Variants in ANKRD31 observed in about 807,000 individuals in gnomAD.
ANKRD31 encodes the protein ankyrin repeat domain 31.
ANKRD31 carries 147 observed loss-of-function variants against 186.0 expected under a neutral mutation model. That is an observed-to-expected ratio of 0.79 (90% confidence interval 0.69 to 0.91). The LOEUF is 0.91. Among genes scored for constraint, ANKRD31 ranks in the 40% least tolerant of loss-of-function variants. The pLI, the probability that ANKRD31 is intolerant of heterozygous loss-of-function variation, is 0.00. For missense variants in ANKRD31, 1,986 were observed against 2,148.8 expected, an observed-to-expected ratio of 0.92 and a Z score of 1.50; for synonymous variants, 673 against 736.4, an observed-to-expected ratio of 0.91 and a Z score of 1.39.
chr5:75,219,073 C>G (rs1757135580), intron 3 of ANKRD31, among the ~76,000 whole-genome samples: 1 of 152,086 alleles, frequency 6.6e-6, no homozygotes, highest in Non-Finnish European at 1.5e-5. Context: ...CCTTGAAAAC[C>G]AGAACAAAAT....
At chr5:75,211,357 T>C (rs1019429994) in intron 3 of ANKRD31, among the ~76,000 whole-genome samples, 1 of 152,260 alleles carries the variant, frequency 6.6e-6, no homozygotes, top group African/African-American at 2.4e-5. Flanking sequence ...TTCTACTGTA[T>C]GTATGTACCA....
chr5:75,154,067 T>G, intron 12 of ANKRD31, 134 bp downstream of exon 12: 1 of 859,862 alleles, frequency 1.2e-6, no homozygotes, highest in East Asian at 3.0e-5. Context: ...ATTAACAGAA[T>G]GAAGAAAAGA....
intron 3 of ANKRD31, among the ~76,000 whole-genome samples, chr5:75,220,130 A>G (rs998299297): frequency 6.6e-6 from 1 of 152,192 alleles, no homozygotes. Context: ...AAAAACAAAA[A>G]CTGACAAATG....
intron 11 of ANKRD31, among the ~76,000 whole-genome samples, chr5:75,158,062 T>C (rs1752316322): frequency 1.3e-5 from 2 of 152,194 alleles, no homozygotes; most frequent in Admixed American, 1.3e-4. Flanking sequence ...TCCATCTTGG[T>C]GGCCCAGAAG....
rs542351517 is a variant in ANKRD31, at chr5:75,197,881, C to T, written c.448-1681G>A. ...TGCATTTATAACCACAGAACCAGCC[C>T]AAATTGGCCGTACTTTGTTGGTAAC... On this transcript the variant is annotated intron_variant, in intron 6 of 25. Coordinates refer to ENST00000506364, the MANE Select transcript of ANKRD31 (RefSeq NM_001372053.1). Among the ~76,000 whole-genome samples, 5 of 152,248 alleles carry T rather than the reference C, an allele frequency of 3.3e-5. No homozygotes were observed. In the South Asian group the frequency reaches 8.3e-4, roughly 25 times the overall value.
At chr5:75,194,250 T>C (rs929388232) in intron 7 of ANKRD31, among the ~76,000 whole-genome samples, 7 of 152,154 alleles carry the variant, frequency 4.6e-5, no homozygotes, top group African/African-American at 1.4e-4. Context: ...TTTGATCTCT[T>C]CTAAGTAAGT....
intron 17 of ANKRD31, among the ~76,000 whole-genome samples, chr5:75,130,286 T>C (rs1205174033): frequency 6.6e-6 from 1 of 152,234 alleles, no homozygotes; most frequent in Admixed American, 6.5e-5. Flanking sequence ...ATTAAGGTAG[T>C]GCAGACCCAA....
Position 75,236,848 on chromosome 5 carries a change from G to A in ANKRD31, c.-162C>T, listed in dbSNP as rs1229387434. 1 of 580,002 alleles carries A rather than the reference G, an allele frequency of 1.7e-6. No homozygotes were observed. The highest frequency in any genetic ancestry group is 2.8e-6 in the Non-Finnish European group (1 of 363,432). 35.9% of individuals were successfully genotyped at this position (580,002 alleles called of 1,614,324 possible). A position where few individuals can be genotyped will look rare whatever the true frequency, so the allele number is the denominator to read the frequency against. On this transcript the variant is annotated 5_prime_UTR_variant, in exon 1 of 26. Coordinates refer to ENST00000506364, the MANE Select transcript of ANKRD31 (RefSeq NM_001372053.1). ...TCGCAGGGCTGCTGAGGAGGACGCAGGCGGCCGCGAGCGCGGCGGGGTAGC... is the reference window on the plus strand; with the variant it reads ...TCGCAGGGCTGCTGAGGAGGACGCAAGCGGCCGCGAGCGCGGCGGGGTAGC...
In ANKRD31 at chr5:75,104,623, C is replaced by T. The variant is rs1274800636; in HGVS notation, c.4936G>A (p.Glu1646Lys). The T allele has an allele frequency of 6.5e-7, 1 of 1,536,370 alleles. No individual in the cohort carries two copies. Among genetic ancestry groups the T allele is most frequent in the East Asian group, 2.4e-5 (1 of 40,916 alleles). ...SPVIGKLNIS[E>K]TASVLAENAA... is the part of the protein sequence containing the mutation. The stretch of plus-strand genomic sequence containing the variant: ...TTTTCGGCAAGGACACTTGCAGTTT[C>T]TGAAATATTTAATTTGCCGATTACT... Residue 1646 changes from glutamate (E) to lysine (K), a missense_variant, in exon 22 of 26, where the codon GAA becomes AAA. By Grantham distance (56) the Glu-to-Lys change is moderately conservative. Transcript: ENST00000506364.
chr5:75,227,342 A>T (rs1167701285), intron 2 of ANKRD31, among the ~76,000 whole-genome samples: 1 of 152,200 alleles, frequency 6.6e-6, no homozygotes, highest in Non-Finnish European at 1.5e-5. Context: ...AGAAAGAATG[A>T]ATAAGACCTA....
intron 17 of ANKRD31, among the ~76,000 whole-genome samples, chr5:75,129,694 C>G (rs1008058695): frequency 1.3e-5 from 2 of 152,160 alleles, no homozygotes; most frequent in African/African-American, 4.8e-5. Context: ...AGGAAAAGCT[C>G]CAGTCTACAG....
At chr5:75,117,056 C>A (rs2150080989) in intron 18 of ANKRD31, among the ~76,000 whole-genome samples, 1 of 152,270 alleles carries the variant, frequency 6.6e-6, no homozygotes, top group Non-Finnish European at 1.5e-5. Context: ...TGCTCTTAAC[C>A]AATATGACTG....
At chr5:75,143,287 G>A (rs1561471507) in intron 15 of ANKRD31, among the ~76,000 whole-genome samples, 2 of 152,094 alleles carry the variant, frequency 1.3e-5, no homozygotes, top group Non-Finnish European at 2.9e-5. Flanking sequence ...ATGCAAAGAA[G>A]GTAATAGGCA....
chr5:75,158,290 G>A (rs562308280), intron 11 of ANKRD31, among the ~76,000 whole-genome samples: 3 of 152,214 alleles, frequency 2.0e-5, no homozygotes, highest in East Asian at 1.9e-4. Flanking sequence ...ACCACTAAAT[G>A]GTCTTGAACC....
At chr5:75,233,066 C>T (rs73116854) in intron 1 of ANKRD31, among the ~76,000 whole-genome samples, 75,731 of 150,324 alleles carry the variant, frequency 0.5, 21,906 homozygotes, top group African/African-American at 0.81. Flanking sequence ...TTTTTCTTTT[C>T]CTTTTTTTTT....
chr5:75,115,375 A>C (rs1274329806), intron 19 of ANKRD31, among the ~76,000 whole-genome samples: 3 of 152,210 alleles, frequency 2.0e-5, no homozygotes, highest in Non-Finnish European at 4.4e-5. Flanking sequence ...AAAACACCAA[A>C]AGCAATGGCA....
chr5:75,076,012 T>C (rs1018381521), intron 25 of ANKRD31, among the ~76,000 whole-genome samples: 8 of 152,006 alleles, frequency 5.3e-5, no homozygotes, highest in Non-Finnish European at 1.2e-4. Flanking sequence ...GCACTCTATA[T>C]CTCATTAGGG....
intron 10 of ANKRD31, among the ~76,000 whole-genome samples, chr5:75,174,010 G>A (rs1174415331): frequency 6.6e-6 from 1 of 152,106 alleles, no homozygotes; most frequent in Non-Finnish European, 1.5e-5. Flanking sequence ...AAAACAGCAT[G>A]GTACTCGTAC....
chr5:75,107,761 T>G (rs767758740), intron 20 of ANKRD31, 144 bp from the exon 21 acceptor site: 7 of 565,620 alleles, frequency 1.2e-5, no homozygotes, highest in African/African-American at 3.8e-5. Flanking sequence ...ATATCTCAAT[T>G]AAGGCTTATT....
Sources: allele counts gnomAD v4.1 joint callset (sites outside exome capture counted in the v4.1 genomes callset), GRCh38; gene constraint gnomAD v4.1.1; transcripts MANE v1.5; gene names NCBI Gene and HGNC (gene_info 2026-07-23, HGNC 2026-07-21).